The following POC1A variants were observed in gnomAD, a reference collection of about 807,000 sequenced individuals.
The protein encoded by POC1A is POC1 centriolar protein homolog A.
A neutral mutation model predicts 47.8 loss-of-function variants in POC1A; 34 were observed. The observed-to-expected ratio is 0.71, with a 90% CI of 0.54 to 0.95. The LOEUF (loss-of-function observed/expected upper bound fraction) is 0.95. Ranked by LOEUF, POC1A falls within the 40% of genes least tolerant of loss-of-function variation. POC1A has a pLI of 0.00. For synonymous variants in POC1A, 177 were observed against 207.6 expected (o/e 0.85, Z 1.27); for missense variants, 466 against 528.3 (o/e 0.88, Z 1.16).
At chr3:52,147,460 G>A (rs562980989) in intron 4 of POC1A, among the ~76,000 whole-genome samples, 1 of 152,032 alleles carries the variant, frequency 6.6e-6, no homozygotes, top group East Asian at 1.9e-4. Context: ...TTTAGACAGG[G>A]TATTGCTCTG....
chr3:52,122,449 A>G lies in POC1A; in HGVS notation c.911T>C (p.Ile304Thr). The change falls in exon 9 of 11, where the codon ATT (isoleucine) becomes ACT (threonine). Residue 304 changes from isoleucine to threonine, a missense_variant. By Grantham distance (89) the Ile-to-Thr change is moderately conservative. Coordinates refer to ENST00000296484, the MANE Select transcript of POC1A (RefSeq NM_015426.5). Reference protein sequence around the residue: ...QVMVWKSNFDIVDHGEVTKVP... With the variant: ...QVMVWKSNFDTVDHGEVTKVP... ...TTTCGTGACTTCTCCATGATCAACA[A>G]TATCAAAGTTACTCTTCCAAACCAT... is the stretch of plus-strand genomic sequence containing the variant. 6.2e-7 allele frequency: 1 copy of G among 1,612,178 alleles called. No homozygotes were observed. Among genetic ancestry groups the G allele is most frequent in the East Asian group, 2.2e-5 (1 of 44,884 alleles).
At chr3:52,129,752 C>T (rs1172531128) in intron 7 of POC1A, among the ~76,000 whole-genome samples, 1 of 152,232 alleles carries the variant, frequency 6.6e-6, no homozygotes, top group South Asian at 2.1e-4. Flanking sequence ...TGAACCCAGA[C>T]ACAGCCTGGC....
chr3:52,124,291 G>C (rs1703911381), intron 8 of POC1A, among the ~76,000 whole-genome samples: 1 of 152,238 alleles, frequency 6.6e-6, no homozygotes, highest in Non-Finnish European at 1.5e-5. Context: ...CTGATGGTTA[G>C]ACTCTTCAGT....
intron 10 of POC1A, among the ~76,000 whole-genome samples, chr3:52,085,066 G>A (rs1178350061): frequency 1.3e-5 from 2 of 152,224 alleles, no homozygotes; most frequent in African/African-American, 2.4e-5. Flanking sequence ...AGAGGCAGCA[G>A]CTGGGTGAAG....
rs776332802 is a variant in POC1A, at chr3:52,149,198, A to AACAATGCTC, written c.455+3_455+11dup. The AACAATGCTC allele has an allele frequency of 6.2e-7, 1 of 1,613,752 alleles. No homozygotes were observed. Among genetic ancestry groups the AACAATGCTC allele is most frequent in the Admixed American group, 1.7e-5 (1 of 60,016 alleles). On this transcript the variant is annotated intron_variant, in intron 4 of 10. Coordinates refer to ENST00000296484, the MANE Select transcript of POC1A (RefSeq NM_015426.5). ...GGTTCCTCCAAGGGTCTCCAGACAG[A>AACAATGCTC]ACAATGCTCACTTGGCACAGCGGAC...
chr3:52,080,806 C>A (rs1202581491), intron 10 of POC1A, among the ~76,000 whole-genome samples: 1 of 152,224 alleles, frequency 6.6e-6, no homozygotes, highest in South Asian at 2.1e-4. Flanking sequence ...GGTGGCCCAT[C>A]CCCTGAAGAC....
chr3:52,103,947 T>TAA (rs2107007351), intron 9 of POC1A, among the ~76,000 whole-genome samples: 1 of 152,328 alleles, frequency 6.6e-6, no homozygotes, highest in South Asian at 2.1e-4. Context: ...ATTAAAAAGC[T>TAA]AAACATACAC....
chr3:52,147,005 C>T lies in POC1A; in HGVS notation c.546G>A (p.Ser182=), dbSNP rs190747966. The T allele has an allele frequency of 3.7e-6, 6 of 1,614,020 alleles. No homozygotes were observed. Among genetic ancestry groups the T allele is most frequent in the East Asian group, 2.2e-5 (1 of 44,876 alleles). Residue 182 remains serine (S), a synonymous_variant, in exon 5 of 11, where the codon TCG becomes TCA. Coordinates refer to ENST00000296484, the MANE Select transcript of POC1A (RefSeq NM_015426.5). The part of the protein sequence containing the change: ...WDKSSRECVH[S]YCEHGGFVTY... ...GGACTCACCCGCCATGCTCACAATA[C>T]GAGTGGACACATTCCCGGCTGCTCT...
At chr3:52,147,168 C>G in intron 4 of POC1A, 73 bp from the exon 5 acceptor site, 1 of 1,165,336 alleles carries the variant, frequency 8.6e-7, no homozygotes, top group South Asian at 1.3e-5. Flanking sequence ...TCTTCCACAG[C>G]CACTCTTCCC....
chr3:52,077,397 GT>G (rs1702150664), intron 10 of POC1A, among the ~76,000 whole-genome samples: 1 of 152,244 alleles, frequency 6.6e-6, no homozygotes, highest in Admixed American at 6.5e-5. Context: ...TTCTTGCAGC[GT>G]CCGGCACAGA....
chr3:52,129,088 T>C (rs190461839), intron 7 of POC1A, among the ~76,000 whole-genome samples: 2 of 152,210 alleles, frequency 1.3e-5, no homozygotes, highest in East Asian at 3.9e-4. Context: ...GAGACCAATC[T>C]GGTCAACATG....
At position 52,117,893 on chromosome 3, in the gene POC1A, G is replaced by A. The variant is rs773550775; in HGVS notation, c.981+4486C>T. Among the ~76,000 whole-genome samples the A allele has an allele frequency of 1.1e-4, 16 of 152,214 alleles. No homozygotes were observed. The South Asian group carries it at 2.9e-3, about 28-fold the overall frequency. Reference sequence around the variant, plus strand: ...TGCTTCTGTGGTTGAGCAGAAGTCCGTCCTATAGTGGCAGGGGTTTGGGAG... The same window carrying A: ...TGCTTCTGTGGTTGAGCAGAAGTCCATCCTATAGTGGCAGGGGTTTGGGAG... On this transcript the variant is annotated intron_variant, in intron 9 of 10. Coordinates refer to ENST00000296484, the MANE Select transcript of POC1A (RefSeq NM_015426.5).
chr3:52,109,754 G>C (rs978716339), intron 9 of POC1A, among the ~76,000 whole-genome samples: 11 of 152,130 alleles, frequency 7.2e-5, no homozygotes, highest in African/African-American at 2.7e-4. Context: ...GAAACTAATT[G>C]TAAGATAATC....
intron 9 of POC1A, among the ~76,000 whole-genome samples, chr3:52,119,633 C>G (rs933521001): frequency 2.6e-5 from 4 of 152,068 alleles, no homozygotes; most frequent in Non-Finnish European, 5.9e-5. Context: ...TAGGCACAAG[C>G]GATCCTCTAG....
chr3:52,120,272 AAT>A (rs1703729611), intron 9 of POC1A, among the ~76,000 whole-genome samples: 1 of 152,120 alleles, frequency 6.6e-6, no homozygotes, highest in Non-Finnish European at 1.5e-5. Flanking sequence ...TATGTATCAC[AAT>A]AAAACAAGGC....
chr3:52,110,336 T>C (rs1224050238), intron 9 of POC1A, among the ~76,000 whole-genome samples: 2 of 152,094 alleles, frequency 1.3e-5, no homozygotes, highest in Non-Finnish European at 2.9e-5. Context: ...CAAGGAAGCC[T>C]GCATGGAGGA....
chr3:52,107,110 G>A (rs1703213156), intron 9 of POC1A, among the ~76,000 whole-genome samples: 1 of 152,268 alleles, frequency 6.6e-6, no homozygotes, highest in African/African-American at 2.4e-5. Flanking sequence ...CTTCAAACCA[G>A]TAGAGGCAGT....
rs1281895480 is a variant in POC1A at position 52,096,684 on chromosome 3, C to T, written c.1010G>A (p.Gly337Asp). 2.5e-6 allele frequency: 4 copies of T among 1,603,250 alleles called. No homozygotes were observed. Among genetic ancestry groups the T allele is most frequent in the Non-Finnish European group, 3.4e-6 (4 of 1,175,896 alleles). Reference protein sequence around the residue: ...LPEVDFPVPPGRGRSVESVQS... With the variant: ...LPEVDFPVPPDRGRSVESVQS... The stretch of plus-strand genomic sequence containing the variant: ...CACAGACTCCACACTCCTGCCTCTG[C>T]CTGGGGGGACAGGGAAGTCCACTTC... The change falls in exon 10 of 11, where the codon GGC (glycine) becomes GAC (aspartate). Residue 337 changes from glycine (G) to aspartate (D), a missense_variant. By Grantham distance (94) the Gly-to-Asp change is moderately conservative. Coordinates refer to ENST00000296484, the MANE Select transcript of POC1A (RefSeq NM_015426.5).
At chr3:52,087,146 G>A (rs543610991) in intron 10 of POC1A, among the ~76,000 whole-genome samples, 33 of 152,342 alleles carry the variant, frequency 2.2e-4, no homozygotes, top group African/African-American at 7.5e-4. Context: ...AGTCTTGGGA[G>A]GGAGGAAGCC....
Sources: gnomAD v4.1 joint callset for allele counts (sites outside exome capture counted in the v4.1 genomes callset) on GRCh38, gnomAD v4.1.1 for gene constraint, MANE v1.5 for transcripts, NCBI Gene and HGNC (gene_info 2026-07-23, HGNC 2026-07-21) for gene names.